The following TMEM108 variants were observed in gnomAD, a reference collection of about 807,000 sequenced individuals.
TMEM108 encodes the protein cancer/testis antigen 124.
In TMEM108, 12 loss-of-function variants were observed where a neutral mutation model predicts 35.1. The observed-to-expected ratio is 0.34, with a 90% CI of 0.22 to 0.55. The LOEUF is 0.55. TMEM108 is among the 20% of genes least tolerant of loss of function. The pLI is 0.89. For missense variants in TMEM108, 680 were observed against 753.3 expected, an observed-to-expected ratio of 0.90 and a Z score of 1.14; for synonymous variants, 287 against 308.6, an observed-to-expected ratio of 0.93 and a Z score of 0.73.
chr3:133,179,200 T>G (rs1193343883), intron 2 of TMEM108, among the ~76,000 whole-genome samples: 1 of 151,788 alleles, frequency 6.6e-6, no homozygotes, highest in African/African-American at 2.4e-5. Context: ...ACTTTTACAC[T>G]GTTGGTGGGA....
At chr3:133,148,254 T>A (rs1241437648) in intron 2 of TMEM108, among the ~76,000 whole-genome samples, 3 of 152,146 alleles carry the variant, frequency 2.0e-5, no homozygotes, top group Non-Finnish European at 4.4e-5. Flanking sequence ...CATCTTTTGG[T>A]GCCAGAAAGT....
Position 133,075,421 on chromosome 3 carries a change from G to A in TMEM108, c.-47+29401G>A, listed in dbSNP as rs559983490. The stretch of plus-strand genomic sequence containing the variant: ...TTTGCTAGGCAAATAAGCACAAAAT[G>A]AAGTCTTGGGGGATTTTTTGGCCAT... On this transcript the variant is annotated intron_variant, in intron 2 of 5. Coordinates refer to ENST00000321871, the MANE Select transcript of TMEM108 (RefSeq NM_023943.4). Among the ~76,000 whole-genome samples the A allele has an allele frequency of 2.0e-5, 3 of 152,292 alleles. No individual in the cohort carries two copies. The South Asian group carries it at 6.2e-4, about 32-fold the overall frequency.
intron 4 of TMEM108, chr3:133,386,655 A>T: frequency 7.1e-7 from 1 of 1,415,186 alleles, no homozygotes; most frequent in Non-Finnish European, 9.2e-7. Flanking sequence ...CTACTGCCTC[A>T]GGAGAAACAG....
chr3:133,204,257 T>A (rs902657994), intron 2 of TMEM108, among the ~76,000 whole-genome samples: 14 of 138,786 alleles, frequency 1.0e-4, no homozygotes, highest in African/African-American at 3.5e-4. Flanking sequence ...AGCTCCTGGA[T>A]TCATTGATTT....
At chr3:133,084,163 A>G (rs1943851243) in intron 2 of TMEM108, among the ~76,000 whole-genome samples, 1 of 152,148 alleles carries the variant, frequency 6.6e-6, no homozygotes, top group Admixed American at 6.5e-5. Flanking sequence ...AACTAGAGGA[A>G]ACCAAAGAAC....
chr3:133,248,028 C>T (rs931485103), intron 3 of TMEM108: 2 of 152,120 alleles, frequency 1.3e-5, no homozygotes, highest in African/African-American at 2.4e-5. Flanking sequence ...TTATAGGATA[C>T]AGTAGGAAGC....
chr3:133,301,001 C>CGT lies in TMEM108; in HGVS notation c.40+71650_40+71651insGT, dbSNP rs1456902794. 7.6e-5 allele frequency among the ~76,000 whole-genome samples: 5 copies of CGT among 65,698 alleles called. 1 individual carries two copies. The highest frequency in any genetic ancestry group is 2.1e-4 in the African/African-American group (5 of 24,208). The allele number at this position is 65,698 out of a possible 152,430, so 43.1% of individuals were successfully genotyped here. A position where few individuals can be genotyped will look rare whatever the true frequency, so the allele number is the denominator to read the frequency against. On this transcript the variant is annotated intron_variant, in intron 3 of 5. Coordinates refer to ENST00000321871, the MANE Select transcript of TMEM108 (RefSeq NM_023943.4). Reference sequence around the variant, plus strand: ...ACACACACACACACACACACACACACACACACACACACACACACACACACA... The same window carrying CGT: ...ACACACACACACACACACACACACACGTACACACACACACACACACACACACA...
chr3:133,088,186 T>C (rs1943906255), intron 2 of TMEM108, among the ~76,000 whole-genome samples: 1 of 152,068 alleles, frequency 6.6e-6, no homozygotes, highest in Non-Finnish European at 1.5e-5. Flanking sequence ...CTAAAACAGC[T>C]ATCCAGCAGT....
At chr3:133,090,138 A>G (rs1245587886) in intron 2 of TMEM108, among the ~76,000 whole-genome samples, 1 of 152,224 alleles carries the variant, frequency 6.6e-6, no homozygotes, top group East Asian at 1.9e-4. Flanking sequence ...TAAGTACAAA[A>G]TGAATCATTA....
intron 2 of TMEM108, among the ~76,000 whole-genome samples, chr3:133,182,475 A>G (rs1945361566): frequency 6.6e-6 from 1 of 152,200 alleles, no homozygotes; most frequent in African/African-American, 2.4e-5. Context: ...TGAGAAGGGA[A>G]TCCTGGGAAT....
At chr3:133,236,770 A>C (rs1289866744) in intron 3 of TMEM108, among the ~76,000 whole-genome samples, 2 of 152,018 alleles carry the variant, frequency 1.3e-5, no homozygotes, top group African/African-American at 4.8e-5. Flanking sequence ...TATCTTTTTC[A>C]AGAGACTGAC....
chr3:133,118,722 C>T (rs1277766754), intron 2 of TMEM108, among the ~76,000 whole-genome samples: 2 of 152,152 alleles, frequency 1.3e-5, no homozygotes, highest in Admixed American at 6.5e-5. Flanking sequence ...AATGAGGCGG[C>T]GGGCTGAACC....
chr3:133,114,787 TTGTA>T (rs1046175118), intron 2 of TMEM108, among the ~76,000 whole-genome samples: 2 of 152,192 alleles, frequency 1.3e-5, no homozygotes, highest in African/African-American at 4.8e-5. Flanking sequence ...CTAGCCTACT[TTGTA>T]TGGAGGCCCA....
At chr3:133,062,327 T>C (rs1041854698) in intron 2 of TMEM108, among the ~76,000 whole-genome samples, 6 of 152,236 alleles carry the variant, frequency 3.9e-5, no homozygotes, top group Non-Finnish European at 5.9e-5. Context: ...CTCATCTTTA[T>C]TGTAATTTTC....
At chr3:133,304,579 A>G (rs981160035) in intron 3 of TMEM108, among the ~76,000 whole-genome samples, 1 of 152,148 alleles carries the variant, frequency 6.6e-6, no homozygotes, top group Middle Eastern at 3.2e-3. Context: ...GATTATTCAT[A>G]TAGATGAAAT....
chr3:133,130,647 A>G (rs1160874337), intron 2 of TMEM108, among the ~76,000 whole-genome samples: 2 of 152,152 alleles, frequency 1.3e-5, no homozygotes, highest in African/African-American at 4.8e-5. Flanking sequence ...AGCAGTTACA[A>G]AGGCCACTTA....
intron 3 of TMEM108, among the ~76,000 whole-genome samples, chr3:133,317,209 G>T (rs1306728946): frequency 6.6e-6 from 1 of 152,118 alleles, no homozygotes; most frequent in African/African-American, 2.4e-5. Context: ...GACGTTGAAA[G>T]GGATTTGTAT....
intron 2 of TMEM108, among the ~76,000 whole-genome samples, chr3:133,205,669 T>C (rs192660342): frequency 6.6e-6 from 1 of 152,366 alleles, no homozygotes; most frequent in Admixed American, 6.5e-5. Flanking sequence ...GAAAGATTGC[T>C]GCTAGTCTGA....
chr3:133,064,599 C>G (rs1472924482), intron 2 of TMEM108, among the ~76,000 whole-genome samples: 2 of 152,064 alleles, frequency 1.3e-5, no homozygotes, highest in Non-Finnish European at 2.9e-5. Flanking sequence ...TAATACTTCA[C>G]TTTTAAAGTT....
Sources: allele counts gnomAD v4.1 joint callset (sites outside exome capture counted in the v4.1 genomes callset), GRCh38; gene constraint gnomAD v4.1.1; transcripts MANE v1.5; gene names NCBI Gene and HGNC (gene_info 2026-07-23, HGNC 2026-07-21).